GIT2: variants seen among roughly 807,000 people sequenced by gnomAD.
GIT2 encodes the protein ARF GTPase-activating protein GIT2.
Under a neutral mutation model 100.3 loss-of-function variants are expected in GIT2, and 32 were observed. The observed-to-expected ratio is 0.32, with a 90% CI of 0.24 to 0.43. GIT2 has a LOEUF of 0.43. Ranked by LOEUF, GIT2 falls within the 20% of genes least tolerant of loss-of-function variation. GIT2 has a pLI of 1.00. For synonymous variants in GIT2, 353 were observed against 364.1 expected, an observed-to-expected ratio of 0.97 and a Z score of 0.35; for missense variants, 737 against 975.1, an observed-to-expected ratio of 0.76 and a Z score of 3.25.
intron 4 of GIT2, among the ~76,000 whole-genome samples, chr12:109,987,339 G>A (rs1403547550): frequency 3.3e-5 from 5 of 151,792 alleles, no homozygotes; most frequent in Non-Finnish European, 5.9e-5. Flanking sequence ...AGCTGAGATC[G>A]CACCACTGCA....
Position 109,938,561 on chromosome 12 carries a change from G to A in GIT2, c.1822C>T (p.Arg608Ter). 5 of 1,590,626 alleles carry A rather than the reference G, an allele frequency of 3.1e-6. No individual in the cohort carries two copies. The highest frequency in any genetic ancestry group is 4.3e-6 in the Non-Finnish European group (5 of 1,169,748). Reference protein sequence around the residue: ...DMEPDGMGSSRKGRQRSMVWP... With the variant: ...DMEPDGMGSS ...ACCATACTTCTTTGCCGTCCCTTTCGGCTTGACCTGTGAACATTAAAGATG... is the reference window on the plus strand; with the variant it reads ...ACCATACTTCTTTGCCGTCCCTTTCAGCTTGACCTGTGAACATTAAAGATG... Residue 608 changes from arginine to a stop codon, truncating the protein, a stop_gained, in exon 18 of 20, where the codon CGA becomes TGA. Coordinates refer to ENST00000355312, the MANE Select transcript of GIT2 (RefSeq NM_057169.5). LOFTEE classifies it high-confidence loss of function.
rs1377324175 is a variant in GIT2, at chr12:109,962,516, C to T, written c.817-831G>A. Among the ~76,000 whole-genome samples, 2 of 152,208 alleles carry T rather than the reference C, an allele frequency of 1.3e-5. No homozygotes were observed. Among genetic ancestry groups the T allele is most frequent in the Non-Finnish European group, 2.9e-5 (2 of 68,024 alleles). Reference sequence around the variant, plus strand: ...AGGAAGCTTCCTACCAAAGCACAGCCTGACTCTTCAGCACACAACAACCAC... The same window carrying T: ...AGGAAGCTTCCTACCAAAGCACAGCTTGACTCTTCAGCACACAACAACCAC... On this transcript the variant is annotated intron_variant, in intron 9 of 19. Coordinates refer to ENST00000355312, the MANE Select transcript of GIT2 (RefSeq NM_057169.5). The surrounding 1 kb of genome is among the most constrained non-coding windows in gnomAD (Gnocchi z 4.3).
intron 18 of GIT2, 135 bp downstream of exon 18, chr12:109,938,245 C>A (rs1361987152): frequency 1.7e-6 from 1 of 605,258 alleles, no homozygotes; most frequent in Non-Finnish European, 2.9e-6. Flanking sequence ...TGTTCTTAAG[C>A]CTGTTATGTA....
chr12:109,954,189 C>G (rs2136304154), intron 12 of GIT2: 1 of 152,058 alleles, frequency 6.6e-6, no homozygotes, highest in East Asian at 1.9e-4. Flanking sequence ...GCGCCTATAG[C>G]CCCAGCTACT....
chr12:109,985,705 T>C (rs1160267951), intron 4 of GIT2, among the ~76,000 whole-genome samples: 1 of 151,848 alleles, frequency 6.6e-6, no homozygotes, highest in African/African-American at 2.4e-5. Context: ...CAAAAAAAAT[T>C]AGCCGGGCAT....
rs946671672 is a variant in GIT2 at position 109,967,438 on chromosome 12, T to C, written c.764+20A>G. ...AATATTAGCGATAGACAAAACTAAC[T>C]GGTATTTCAATGAGCTTACCTGTCT... On this transcript the variant is annotated intron_variant, in intron 8 of 19. Transcript: ENST00000355312. 6.4e-7 allele frequency: 1 copy of C among 1,555,592 alleles called. No homozygotes were observed. The highest frequency in any genetic ancestry group is 8.9e-7 in the Non-Finnish European group (1 of 1,126,928).
chr12:109,975,010 T>C (rs984845556), intron 7 of GIT2, among the ~76,000 whole-genome samples: 1 of 152,228 alleles, frequency 6.6e-6, no homozygotes, highest in African/African-American at 2.4e-5. Flanking sequence ...TATGATAATA[T>C]TATGTCCCTC....
chr12:109,937,261 G>A (rs1423805150), intron 18 of GIT2, among the ~76,000 whole-genome samples: 1 of 152,150 alleles, frequency 6.6e-6, no homozygotes, highest in African/African-American at 2.4e-5. Context: ...TGGCCCAGTA[G>A]TGCCAGGACT....
chr12:109,948,528 C>G lies in GIT2; in HGVS notation c.1393-1024G>C. The G allele has an allele frequency of 7.8e-7, 1 of 1,277,510 alleles. No individual in the cohort carries two copies. Among genetic ancestry groups the G allele is most frequent in the African/African-American group, 1.5e-5 (1 of 65,366 alleles). 79.1% of individuals were successfully genotyped at this position (1,277,510 alleles called of 1,614,324 possible). ...CTTTGGCATCTGGCATTTTAAACACCATTCACCACGTCCATTCTGCGCAGG... is the reference window on the plus strand; with the variant it reads ...CTTTGGCATCTGGCATTTTAAACACGATTCACCACGTCCATTCTGCGCAGG... On this transcript the variant is annotated intron_variant, in intron 14 of 19. Transcript: ENST00000355312. This position sits in a 1 kb window ranked among gnomAD's most constrained non-coding sequence, Gnocchi z 4.3.
intron 6 of GIT2, chr12:109,981,265 C>A: frequency 2.3e-6 from 1 of 440,936 alleles, no homozygotes; most frequent in Non-Finnish European, 4.1e-6. Context: ...TTTATTAAGG[C>A]CAAAATAGAA....
At chr12:109,953,445 T>C in intron 12 of GIT2, 1 of 531,664 alleles carries the variant, frequency 1.9e-6, no homozygotes, top group Non-Finnish European at 3.4e-6. Flanking sequence ...ACAATGAGAC[T>C]CCATCCCTAC....
chr12:109,983,774 T>A, intron 4 of GIT2, 80 bp from the exon 5 acceptor site: 1 of 821,500 alleles, frequency 1.2e-6, no homozygotes, highest in South Asian at 1.5e-5. Flanking sequence ...TAGACCATTT[T>A]AATATATGTT....
intron 1 of GIT2, among the ~76,000 whole-genome samples, chr12:109,995,065 G>A (rs955906666): frequency 2.0e-5 from 3 of 152,120 alleles, no homozygotes; most frequent in Non-Finnish European, 2.9e-5. Flanking sequence ...CAAAGCCAGT[G>A]GTGTTCAATG....
At chr12:109,953,477 A>G (rs1452972923) in intron 12 of GIT2, 6 of 403,010 alleles carry the variant, frequency 1.5e-5, no homozygotes, top group Non-Finnish European at 2.3e-5. Context: ...AAAATTATCC[A>G]GGCCTGGTGT....
chr12:109,971,541 G>C (rs1883869441), intron 7 of GIT2, among the ~76,000 whole-genome samples: 1 of 151,190 alleles, frequency 6.6e-6, no homozygotes, highest in Admixed American at 6.6e-5. Context: ...AACCAGGCTG[G>C]TATCGAACTC....
In GIT2 at chr12:109,947,424, C is replaced by T; in HGVS notation, c.1473G>A (p.Glu491=). ...AAGAGTGGTTGGAAGTGTCTGTGTA[C>T]TCAGAACCAGTTTGCACCTGATATA... ...TNVYQVQTGS[E]YTDTSNHSSL... The change falls in exon 15 of 20, where the codon GAG becomes GAA. Residue 491 remains glutamate, a synonymous_variant. Transcript: ENST00000355312. This position sits in a 1 kb window ranked among gnomAD's most constrained non-coding sequence, Gnocchi z 4.3. The T allele has an allele frequency of 6.2e-7, 1 of 1,614,088 alleles. No homozygotes were observed. The highest frequency in any genetic ancestry group is 8.5e-7 in the Non-Finnish European group (1 of 1,179,922).
At chr12:109,940,979 C>T (rs1019943160) in intron 16 of GIT2, among the ~76,000 whole-genome samples, 1 of 151,962 alleles carries the variant, frequency 6.6e-6, no homozygotes, top group Admixed American at 6.6e-5. Context: ...CTGATAACAC[C>T]TGGTGGGTAC....
At chr12:109,964,054 A>G (rs1034567751) in intron 9 of GIT2, among the ~76,000 whole-genome samples, 1 of 152,230 alleles carries the variant, frequency 6.6e-6, no homozygotes, top group Non-Finnish European at 1.5e-5. Context: ...CTCAGCTTTC[A>G]TGCAGCTTCC....
intron 6 of GIT2, chr12:109,981,762 G>A (rs1475405540): frequency 2.0e-5 from 3 of 152,180 alleles, no homozygotes; most frequent in Admixed American, 2.0e-4. Context: ...GTACAAGTGC[G>A]AAAATTCCAA....
Sources: gnomAD v4.1 joint callset for allele counts (sites outside exome capture counted in the v4.1 genomes callset) on GRCh38, gnomAD v4.1.1 for gene constraint, Gnocchi (gnomAD v3.1) non-coding constraint, MANE v1.5 for transcripts, NCBI Gene and HGNC (gene_info 2026-07-23, HGNC 2026-07-21) for gene names.